The following HIP1 variants were observed in gnomAD, a reference collection of about 807,000 sequenced individuals.
HIP1 encodes the protein huntingtin interacting protein 1.
HIP1 carries 65 observed loss-of-function variants against 147.6 expected under a neutral mutation model. That is an observed-to-expected ratio of 0.44 (90% CI 0.36 to 0.54). HIP1 has a LOEUF of 0.54. Among genes scored for constraint, HIP1 ranks in the 20% least tolerant of loss-of-function variants. The pLI is 0.00. For missense variants in HIP1, 1,061 were observed against 1,299.6 expected (o/e 0.82, Z 2.82); for synonymous variants, 479 against 504.0 (o/e 0.95, Z 0.67).
rs1173188434 is a variant in HIP1 at position 75,535,418 on chromosome 7, C to CA, written c.*2753dup. 1.1e-5 allele frequency: 2 copies of CA among 183,162 alleles called. No individual in the cohort carries two copies. The highest frequency in any genetic ancestry group is 2.3e-5 in the Non-Finnish European group (2 of 86,284). 11.3% of individuals were successfully genotyped at this position (183,162 alleles called of 1,614,324 possible). A position where few individuals can be genotyped will look rare whatever the true frequency, so the allele number is the denominator to read the frequency against. On this transcript the variant is annotated 3_prime_UTR_variant, in exon 31 of 31. Transcript: ENST00000336926. ...TCACCCAGGCCGGAGTGCACTGGCA[C>CA]AATCAGGGCTGACTGCAGCCTCGAC...
At chr7:75,670,636 G>GTCT (rs1554515180) in intron 1 of HIP1, among the ~76,000 whole-genome samples, 1 of 151,948 alleles carries the variant, frequency 6.6e-6, no homozygotes, top group Non-Finnish European at 1.5e-5. Flanking sequence ...TTGAGACAGG[G>GTCT]TCTTGTTCTG....
At chr7:75,564,313 AGATGGAGTG>A (rs879986129) in intron 9 of HIP1, among the ~76,000 whole-genome samples, 8,490 of 152,126 alleles carry the variant, frequency 0.056, 329 homozygotes, top group African/African-American at 0.096. Flanking sequence ...TTATTTTTTG[AGATGGAGTG>A]TCGCTCTTAT....
At chr7:75,730,458 G>C (rs1801803112) in intron 1 of HIP1, among the ~76,000 whole-genome samples, 1 of 151,402 alleles carries the variant, frequency 6.6e-6, no homozygotes, top group Admixed American at 6.6e-5. Flanking sequence ...TCGTGCCTCA[G>C]CCTCCCAAGT....
intron 1 of HIP1, among the ~76,000 whole-genome samples, chr7:75,614,406 C>CAG (rs1256865375): frequency 6.6e-6 from 1 of 152,174 alleles, no homozygotes. Context: ...CACACACACA[C>CAG]ACACAGTTAC....
In HIP1 at chr7:75,693,887, T is replaced by C. The variant is rs188244979; in HGVS notation, c.120+44914A>G. On this transcript the variant is annotated intron_variant, in intron 1 of 30. Transcript: ENST00000336926. ...CAATATCTAGCATCCAGTGTGGCTC[T>C]TGAAAAGTTCAGAACTATCCAATTC... Among the ~76,000 whole-genome samples the C allele has an allele frequency of 1.7e-4, 25 of 149,958 alleles. No homozygotes were observed. The East Asian group carries it at 3.6e-3, about 21-fold the overall frequency.
intron 7 of HIP1, among the ~76,000 whole-genome samples, chr7:75,580,832 C>T (rs1449912216): frequency 6.6e-6 from 1 of 152,108 alleles, no homozygotes; most frequent in African/African-American, 2.4e-5. Context: ...ACCTCGACCT[C>T]CTGGGTTCAA....
intron 22 of HIP1, among the ~76,000 whole-genome samples, chr7:75,551,382 A>C (rs1347763887): frequency 6.6e-6 from 1 of 150,820 alleles, no homozygotes; most frequent in Non-Finnish European, 1.5e-5. Flanking sequence ...CAACTGGCTA[A>C]TTTTGTATTT....
chr7:75,695,629 C>T (rs573393909), intron 1 of HIP1, among the ~76,000 whole-genome samples: 24 of 152,154 alleles, frequency 1.6e-4, no homozygotes, highest in Non-Finnish European at 3.5e-4. Flanking sequence ...GGCTGGAGTG[C>T]GGTGGCACAA....
intron 7 of HIP1, 51 bp from the exon 8 acceptor site, chr7:75,573,952 C>A: frequency 6.4e-7 from 1 of 1,558,622 alleles, no homozygotes; most frequent in African/African-American, 1.3e-5. Context: ...GGATTACAGG[C>A]AGCCTCTTCA....
At chr7:75,632,416 T>C (rs1798259908) in intron 1 of HIP1, among the ~76,000 whole-genome samples, 1 of 152,220 alleles carries the variant, frequency 6.6e-6, no homozygotes, top group South Asian at 2.1e-4. Context: ...CCTAAGCAAT[T>C]TTTTTTAGAG....
chr7:75,723,237 T>TG (rs1367536455), intron 1 of HIP1, among the ~76,000 whole-genome samples: 4 of 152,036 alleles, frequency 2.6e-5, no homozygotes, highest in African/African-American at 9.7e-5. Context: ...CTGGGTGTGG[T>TG]GGTGCGTCCC....
chr7:75,711,046 C>T (rs1385906364), intron 1 of HIP1, among the ~76,000 whole-genome samples: 1 of 152,198 alleles, frequency 6.6e-6, no homozygotes, highest in Non-Finnish European at 1.5e-5. Context: ...CCTATGAGAA[C>T]TGCACACTAT....
At chr7:75,705,358 T>C (rs1426335046) in intron 1 of HIP1, among the ~76,000 whole-genome samples, 1 of 151,916 alleles carries the variant, frequency 6.6e-6, no homozygotes, top group Non-Finnish European at 1.5e-5. Flanking sequence ...GCAGGATCTC[T>C]ACCTTTTTTT....
At chr7:75,559,699 C>CCGGGGGG in intron 14 of HIP1, 33 bp downstream of exon 14, 27 of 1,226,488 alleles carry the variant, frequency 2.2e-5, no homozygotes, top group East Asian at 7.7e-5. Context: ...CGCCTGCCCC[C>CCGGGGGG]GGGGCCCGCC....
intron 1 of HIP1, among the ~76,000 whole-genome samples, chr7:75,630,148 A>G (rs1554508676): frequency 6.6e-6 from 1 of 151,422 alleles, no homozygotes; most frequent in Non-Finnish European, 1.5e-5. Context: ...TCAGGGATAG[A>G]GTGAGACCTT....
At chr7:75,731,459 G>T (rs1801834715) in intron 1 of HIP1, among the ~76,000 whole-genome samples, 1 of 148,238 alleles carries the variant, frequency 6.7e-6, no homozygotes. Flanking sequence ...CTCCAGCCTG[G>T]GTGACAGAGA....
chr7:75,576,204 C>G (rs587717950), intron 7 of HIP1, among the ~76,000 whole-genome samples: 1 of 152,340 alleles, frequency 6.6e-6, no homozygotes, highest in African/African-American at 2.4e-5. Context: ...GTGGCTATAA[C>G]AGTGCATACC....
chr7:75,626,236 T>C (rs1798034733), intron 1 of HIP1: 1 of 152,224 alleles, frequency 6.6e-6, no homozygotes, highest in South Asian at 2.1e-4. Context: ...AAACTTCCCC[T>C]GTACTTACTA....
At chr7:75,572,049 A>G (rs1795656187) in intron 8 of HIP1, among the ~76,000 whole-genome samples, 1 of 152,092 alleles carries the variant, frequency 6.6e-6, no homozygotes, top group Admixed American at 6.6e-5. Flanking sequence ...ATCTCTACTA[A>G]AAATTCAAAC....
Sources: gnomAD v4.1 joint callset for allele counts (sites outside exome capture counted in the v4.1 genomes callset) on GRCh38, gnomAD v4.1.1 for gene constraint, MANE v1.5 for transcripts, NCBI Gene and HGNC (gene_info 2026-07-23, HGNC 2026-07-21) for gene names.